Variants in DNAJC12 observed in about 807,000 individuals in gnomAD.
DNAJC12 encodes the protein DnaJ heat shock protein family (Hsp40) member C12.
A neutral mutation model predicts 28.5 loss-of-function variants in DNAJC12; 25 were observed. The ratio of observed to expected loss-of-function variants is 0.88; its 90% CI spans 0.64 to 1.22. The LOEUF (loss-of-function observed/expected upper bound fraction) is 1.22, where lower values mean the gene tolerates loss of function less well. Among genes scored for constraint, DNAJC12 ranks in the 50% most tolerant of loss-of-function variants. The pLI is 0.00. For missense variants in DNAJC12, 222 were observed against 231.7 expected (o/e 0.96, Z 0.27); for synonymous variants, 77 against 80.6 (o/e 0.95, Z 0.24).
intron 1 of DNAJC12, among the ~76,000 whole-genome samples, chr10:67,824,327 C>T (rs921073156): frequency 7.3e-5 from 11 of 151,664 alleles, no homozygotes; most frequent in African/African-American, 2.7e-4. Flanking sequence ...TTCAAAGATG[C>T]TTAGCCACCA....
chr10:67,836,110 A>G (rs1842140262), intron 1 of DNAJC12, among the ~76,000 whole-genome samples: 1 of 151,770 alleles, frequency 6.6e-6, no homozygotes, highest in Admixed American at 6.6e-5. Flanking sequence ...AGAAAACCAA[A>G]CACCACATGT....
intron 2 of DNAJC12, among the ~76,000 whole-genome samples, chr10:67,819,767 GA>G (rs1384603247): frequency 4.4e-5 from 1 of 22,794 alleles, no homozygotes; most frequent in African/African-American, 1.8e-4. Flanking sequence ...AGGAAGGAAG[GA>G]AGGAAGGAAG....
At chr10:67,805,895 T>G in intron 3 of DNAJC12, 108 bp from the exon 4 acceptor site, 1 of 785,684 alleles carries the variant, frequency 1.3e-6, no homozygotes, top group Non-Finnish European at 1.9e-6. Context: ...TAGTGCTAAT[T>G]AACAGCATGT....
chr10:67,835,519 G>A (rs558282977), intron 1 of DNAJC12, among the ~76,000 whole-genome samples: 22 of 152,000 alleles, frequency 1.4e-4, no homozygotes, highest in African/African-American at 4.8e-4. Flanking sequence ...GTGAAACCCC[G>A]TCTCTACTAA....
rs775224774 is a variant in DNAJC12 at position 67,805,658 on chromosome 10, T to C, written c.427A>G (p.Thr143Ala). The change falls in exon 4 of 5, where the codon ACC becomes GCC. Residue 143 changes from threonine (T) to alanine (A), a missense_variant. By Grantham distance (58) the Thr-to-Ala change is moderately conservative. Transcript: ENST00000225171. ...RERKKEELAS[T>A]AEKTEQKEPK... The stretch of plus-strand genomic sequence containing the variant: ...TCTTTCTGCTCCGTTTTCTCTGCGG[T>C]TGAAGCCAGCTCCTCTTTCTTTCTT... 16 of 1,613,820 alleles carry C rather than the reference T, an allele frequency of 9.9e-6. No individual in the cohort carries two copies. Among genetic ancestry groups the C allele is most frequent in the Admixed American group, 1.7e-5 (1 of 59,930 alleles).
intron 1 of DNAJC12, among the ~76,000 whole-genome samples, chr10:67,825,934 G>A (rs1842024946): frequency 6.6e-6 from 1 of 152,042 alleles, no homozygotes. Flanking sequence ...AACTAGACTT[G>A]TTTTTAAATT....
rs1433406609 is a variant in DNAJC12 at position 67,825,905 on chromosome 10, T to C, written c.79-2513A>G. On this transcript the variant is annotated intron_variant, in intron 1 of 4. Transcript: ENST00000225171. ...ACCATCAGTCACCATAACCTACTTA[T>C]ATAACAAATAAAACTGAGAACTAGA... Among the ~76,000 whole-genome samples, 4 of 152,164 alleles carry C rather than the reference T, an allele frequency of 2.6e-5. No homozygotes were observed. The East Asian group carries it at 5.8e-4, about 22-fold the overall frequency.
chr10:67,817,930 C>T (rs1307093998), intron 2 of DNAJC12, among the ~76,000 whole-genome samples: 2 of 151,978 alleles, frequency 1.3e-5, no homozygotes, highest in African/African-American at 4.8e-5. Context: ...TGGCCAGGCA[C>T]AGCAGCTTAT....
chr10:67,799,796 T>C (rs962148897), intron 4 of DNAJC12, among the ~76,000 whole-genome samples: 3 of 150,572 alleles, frequency 2.0e-5, no homozygotes, highest in Non-Finnish European at 2.9e-5. Context: ...GGCAGGAGAA[T>C]CACTTGAACC....
chr10:67,832,655 G>T (rs1842105801), intron 1 of DNAJC12, among the ~76,000 whole-genome samples: 1 of 152,122 alleles, frequency 6.6e-6, no homozygotes, highest in Non-Finnish European at 1.5e-5. Context: ...ATGAGAAAAA[G>T]AAAGTCACCA....
intron 2 of DNAJC12, among the ~76,000 whole-genome samples, chr10:67,820,635 G>A (rs1841972130): frequency 1.3e-5 from 2 of 152,090 alleles, no homozygotes; most frequent in East Asian, 1.9e-4. Flanking sequence ...ATGAGCAGAA[G>A]CAATAGTTAA....
intron 2 of DNAJC12, among the ~76,000 whole-genome samples, chr10:67,821,028 C>G (rs1841976873): frequency 6.6e-6 from 1 of 151,672 alleles, no homozygotes; most frequent in African/African-American, 2.4e-5. Context: ...GGTGGTCCAC[C>G]CACCTTGGCC....
chr10:67,810,456 G>A (rs1232075196), intron 3 of DNAJC12, among the ~76,000 whole-genome samples: 4 of 152,180 alleles, frequency 2.6e-5, no homozygotes, highest in African/African-American at 9.7e-5. Context: ...ATATGATCCT[G>A]TGTGTGATGC....
intron 4 of DNAJC12, among the ~76,000 whole-genome samples, chr10:67,802,493 A>G (rs972511303): frequency 2.0e-5 from 3 of 152,194 alleles, no homozygotes; most frequent in African/African-American, 7.2e-5. Flanking sequence ...CTTTCATAAC[A>G]ATATGTAACA....
intron 1 of DNAJC12, among the ~76,000 whole-genome samples, chr10:67,827,104 G>A (rs887634594): frequency 3.4e-4 from 52 of 151,554 alleles, no homozygotes; most frequent in African/African-American, 1.2e-3. Context: ...AAAACATTCT[G>A]GGCTGGGTGC....
At position 67,838,014 on chromosome 10, in the gene DNAJC12, A is replaced by T. The variant is rs760634778; in HGVS notation, c.-3T>A. 1.2e-6 allele frequency: 2 copies of T among 1,601,010 alleles called. No individual in the cohort carries two copies. The highest frequency in any genetic ancestry group is 1.7e-6 in the Non-Finnish European group (2 of 1,171,484). ...CTGTAATTCAGTATTGCATCCATTT[A>T]GATGACTTAATCAGTCCTTCTTCCC... is the stretch of plus-strand genomic sequence containing the variant. On this transcript the variant is annotated 5_prime_UTR_variant, in exon 1 of 5. Transcript: ENST00000225171.
At chr10:67,806,973 G>A (rs1490540577) in intron 3 of DNAJC12, among the ~76,000 whole-genome samples, 1 of 151,982 alleles carries the variant, frequency 6.6e-6, no homozygotes, top group Non-Finnish European at 1.5e-5. Flanking sequence ...AGAAAACATT[G>A]TATTTTAGGC....
intron 2 of DNAJC12, among the ~76,000 whole-genome samples, chr10:67,820,973 C>CAG (rs1841976138): frequency 6.6e-6 from 1 of 151,560 alleles, no homozygotes; most frequent in Non-Finnish European, 1.5e-5. Flanking sequence ...AGTAGAGACA[C>CAG]AGTTTCTCCA....
chr10:67,836,099 C>T (rs1324269412), intron 1 of DNAJC12, among the ~76,000 whole-genome samples: 1 of 151,686 alleles, frequency 6.6e-6, no homozygotes, highest in Non-Finnish European at 1.5e-5. Context: ...AACACAGGAA[C>T]AGAAAACCAA....
Sources: gnomAD v4.1 joint callset for allele counts (sites outside exome capture counted in the v4.1 genomes callset) on GRCh38, gnomAD v4.1.1 for gene constraint, MANE v1.5 for transcripts, NCBI Gene and HGNC (gene_info 2026-07-23, HGNC 2026-07-21) for gene names.